The following ANKS1B variants were observed in gnomAD, a reference collection of about 807,000 sequenced individuals.
The protein encoded by ANKS1B is ankyrin repeat and sterile alpha motif domain-containing protein 1B.
In ANKS1B, 36 loss-of-function variants were observed where a neutral mutation model predicts 148.3. The observed-to-expected ratio is 0.24, with a 90% CI of 0.19 to 0.32. The LOEUF is 0.32. Among genes scored for constraint, ANKS1B ranks in the 10% least tolerant of loss-of-function variants. The pLI, the probability that ANKS1B is intolerant of heterozygous loss-of-function variation, is 1.00. For missense variants in ANKS1B, 1,157 were observed against 1,542.6 expected (o/e 0.75, Z 4.19); for synonymous variants, 542 against 560.8 (o/e 0.97, Z 0.47).
chr12:98,853,517 T>C (rs2099543900), intron 17 of ANKS1B, among the ~76,000 whole-genome samples: 1 of 152,200 alleles, frequency 6.6e-6, no homozygotes. Flanking sequence ...GGGCTCACTG[T>C]ATGTAACTAC....
At chr12:99,810,682 C>G (rs938686043) in intron 3 of ANKS1B, among the ~76,000 whole-genome samples, 2 of 151,878 alleles carry the variant, frequency 1.3e-5, no homozygotes, top group African/African-American at 2.4e-5. Flanking sequence ...TTCAACATTA[C>G]CAAAAACAAG....
chr12:99,584,467 T>G (rs1281145878), intron 9 of ANKS1B, among the ~76,000 whole-genome samples: 8 of 151,976 alleles, frequency 5.3e-5, no homozygotes, highest in African/African-American at 1.9e-4. Context: ...GGTGTGATGC[T>G]GCATGCCTGT....
chr12:99,446,481 A>G (rs1044630489), intron 10 of ANKS1B, among the ~76,000 whole-genome samples: 4 of 152,102 alleles, frequency 2.6e-5, no homozygotes, highest in Admixed American at 6.6e-5. Context: ...AAATTAACTT[A>G]CAAAATACAT....
intron 9 of ANKS1B, among the ~76,000 whole-genome samples, chr12:99,516,686 C>T (rs752140734): frequency 5.9e-5 from 9 of 151,900 alleles, no homozygotes; most frequent in African/African-American, 1.2e-4. Context: ...ACCACCATGG[C>T]ACATATTTAC....
At chr12:98,747,628 C>T (rs2097924985) in intron 26 of ANKS1B, among the ~76,000 whole-genome samples, 1 of 152,166 alleles carries the variant, frequency 6.6e-6, no homozygotes, top group South Asian at 2.1e-4. Context: ...GAAAAGAAAT[C>T]AGTATATCAA....
chr12:99,900,872 C>G (rs2093576265), intron 1 of ANKS1B, among the ~76,000 whole-genome samples: 1 of 152,188 alleles, frequency 6.6e-6, no homozygotes, highest in Admixed American at 6.5e-5. Flanking sequence ...GAGCAAATCA[C>G]ATTTCATCAG....
chr12:99,546,958 G>T (rs2097177585), intron 9 of ANKS1B, among the ~76,000 whole-genome samples: 1 of 152,096 alleles, frequency 6.6e-6, no homozygotes, highest in Non-Finnish European at 1.5e-5. Flanking sequence ...ACAGGGGCAG[G>T]GGGAGGATGA....
chr12:99,260,621 C>A (rs920724098), intron 12 of ANKS1B, among the ~76,000 whole-genome samples: 1 of 152,062 alleles, frequency 6.6e-6, no homozygotes, highest in African/African-American at 2.4e-5. Context: ...TAAGAGATAT[C>A]CAATGTAAAA....
intron 17 of ANKS1B, among the ~76,000 whole-genome samples, chr12:99,031,884 T>G (rs1344539103): frequency 6.6e-6 from 1 of 152,244 alleles, no homozygotes; most frequent in Non-Finnish European, 1.5e-5. Flanking sequence ...CATTCCTAAC[T>G]GATTCAAACC....
chr12:99,967,504 A>G (rs377638983), intron 1 of ANKS1B, among the ~76,000 whole-genome samples: 1 of 152,080 alleles, frequency 6.6e-6, no homozygotes, highest in African/African-American at 2.4e-5. Flanking sequence ...CAGCAGCCTC[A>G]AACTCCTGGG....
chr12:99,046,989 G>GA (rs1184202449), intron 17 of ANKS1B, among the ~76,000 whole-genome samples: 3 of 151,868 alleles, frequency 2.0e-5, no homozygotes, highest in African/African-American at 7.3e-5. Flanking sequence ...GTCACAGAGA[G>GA]AAAAAAGACT....
chr12:99,898,863 C>T (rs953287402), intron 1 of ANKS1B, among the ~76,000 whole-genome samples: 2 of 152,168 alleles, frequency 1.3e-5, no homozygotes, highest in African/African-American at 4.8e-5. Context: ...ACGACAACAA[C>T]AACAACATTT....
chr12:98,967,921 A>C (rs942042972), intron 17 of ANKS1B, among the ~76,000 whole-genome samples: 3 of 152,112 alleles, frequency 2.0e-5, no homozygotes, highest in African/African-American at 7.2e-5. Context: ...GTTAGGCCTC[A>C]TCTGAAAGGC....
chr12:98,801,173 T>A lies in ANKS1B; in HGVS notation c.3142-48A>T. ...AGGCAATATGAGCAGTCAGCAAAGT[T>A]CATTCCCTGTAGCTACCCTGAGCTC... is the stretch of plus-strand genomic sequence containing the variant. On this transcript the variant is annotated intron_variant, in intron 20 of 26. Transcript: ENST00000683438. This position sits in a 1 kb window ranked among gnomAD's most constrained non-coding sequence, Gnocchi z 5.2. 1 of 1,599,844 alleles carries A rather than the reference T, an allele frequency of 6.3e-7. No homozygotes were observed. The highest frequency in any genetic ancestry group is 8.5e-7 in the Non-Finnish European group (1 of 1,172,020).
chr12:99,291,179 A>G (rs969798861), intron 12 of ANKS1B, among the ~76,000 whole-genome samples: 1 of 152,148 alleles, frequency 6.6e-6, no homozygotes, highest in African/African-American at 2.4e-5. Context: ...GACTTAAAGA[A>G]GTGAAAGATA....
chr12:98,834,781 C>T lies in ANKS1B; in HGVS notation c.2779-2645G>A, dbSNP rs143664046. On this transcript the variant is annotated intron_variant, in intron 17 of 26. Coordinates refer to ENST00000683438, the MANE Select transcript of ANKS1B (RefSeq NM_001352186.2). Reference sequence around the variant, plus strand: ...TTACTTGCAGGCAGCATTGTTTATACGATCCATAGAAATGCCCTTATATTC... The same window carrying T: ...TTACTTGCAGGCAGCATTGTTTATATGATCCATAGAAATGCCCTTATATTC... Among the ~76,000 whole-genome samples, 1,100 of 152,218 alleles carry T rather than the reference C, an allele frequency of 7.2e-3. 7 individuals are homozygous for T. Among genetic ancestry groups the T allele is most frequent in the African/African-American group, 0.024 (994 of 41,526 alleles).
At chr12:99,071,644 CT>C (rs71646503) in intron 16 of ANKS1B, among the ~76,000 whole-genome samples, 76,305 of 143,008 alleles carry the variant, frequency 0.53, 20,460 homozygotes, top group East Asian at 0.8. Flanking sequence ...TAATCTCTCT[CT>C]TTTTTTTTTT....
chr12:99,761,553 T>C (rs1364546763), intron 8 of ANKS1B, among the ~76,000 whole-genome samples: 2 of 151,868 alleles, frequency 1.3e-5, no homozygotes, highest in Non-Finnish European at 2.9e-5. Flanking sequence ...CAACTCAAAA[T>C]AATAAAAGCC....
At chr12:99,875,431 T>C (rs1019373924) in intron 1 of ANKS1B, among the ~76,000 whole-genome samples, 9 of 145,504 alleles carry the variant, frequency 6.2e-5, no homozygotes, top group Admixed American at 3.4e-4. Context: ...ATTTACAGTT[T>C]AACTTAGAAA....
Sources: allele counts gnomAD v4.1 joint callset (sites outside exome capture counted in the v4.1 genomes callset), GRCh38; gene constraint gnomAD v4.1.1; non-coding constraint Gnocchi (gnomAD v3.1); transcripts MANE v1.5; gene names NCBI Gene and HGNC (gene_info 2026-07-23, HGNC 2026-07-21).